Variants in UBE2L3 observed in about 807,000 individuals in gnomAD.
UBE2L3 encodes the protein ubiquitin-conjugating enzyme E2 L3.
In UBE2L3, 1 loss-of-function variant was observed where a neutral mutation model predicts 17.8. The ratio of observed to expected loss-of-function variants is 0.06; its 90% CI spans 0.02 to 0.27. The LOEUF is 0.27. UBE2L3 is among the 10% of genes least tolerant of loss of function. The probability of loss-of-function intolerance (pLI) is 1.00; values close to 1 mark genes in which losing one functional copy is unlikely to be tolerated. For missense variants in UBE2L3, 40 were observed against 192.6 expected (o/e 0.21, Z 4.69); for synonymous variants, 44 against 68.5 (o/e 0.64, Z 1.76).
upstream of UBE2L3, among the ~76,000 whole-genome samples, chr22:21,565,754 C>CAAAAAAAAA (rs131662): frequency 2.3e-4 from 7 of 30,286 alleles, no homozygotes; most frequent in South Asian, 2.2e-3. Flanking sequence ...AACTGTGTCT[C>CAAAAAAAAA]AAAAAAAAAA....
intron 1 of UBE2L3, among the ~76,000 whole-genome samples, chr22:21,561,545 A>C (rs1926430721): frequency 6.6e-6 from 1 of 152,258 alleles, no homozygotes; most frequent in South Asian, 2.1e-4. Context: ...TCACACCACT[A>C]TACTCCAGCC....
chr22:21,574,352 G>A (rs181359), intron 1 of UBE2L3, among the ~76,000 whole-genome samples: 33,287 of 152,106 alleles, frequency 0.22, 4,440 homozygotes, highest in East Asian at 0.51. Context: ...TACTTCGTCC[G>A]TGTGTGAAGG....
At chr22:21,563,343 A>T (rs1213566188), upstream of UBE2L3, among the ~76,000 whole-genome samples, 1 of 150,082 alleles carries the variant, frequency 6.7e-6, no homozygotes. Context: ...CGAGCTCAGG[A>T]GATCGAGAGC....
chr22:21,616,976 C>T lies in UBE2L3; in HGVS notation c.311-4539C>T, dbSNP rs539018680. Among the ~76,000 whole-genome samples, 367 of 151,462 alleles carry T rather than the reference C, an allele frequency of 2.4e-3. 1 individual carries two copies. The highest frequency in any genetic ancestry group is 3.5e-3 in the Non-Finnish European group (236 of 67,844). On this transcript the variant is annotated intron_variant, in intron 3 of 3. Transcript: ENST00000342192. ...CTGTAATCCCAGCACTTTGGGAGGC[C>T]GAGGCGGGCAGATCACGAGGTCAGG...
chr22:21,556,092 ATGG>A (rs1247253930), intron 1 of UBE2L3, among the ~76,000 whole-genome samples: 1 of 152,258 alleles, frequency 6.6e-6, no homozygotes, highest in Non-Finnish European at 1.5e-5. Flanking sequence ...TTAACTGGGC[ATGG>A]TGGTGCATGC....
chr22:21,599,826 G>A (rs1472101553), intron 2 of UBE2L3, among the ~76,000 whole-genome samples: 1 of 152,080 alleles, frequency 6.6e-6, no homozygotes, highest in Non-Finnish European at 1.5e-5. Context: ...TTTGGTGTGA[G>A]TGCTGTATTT....
chr22:21,593,457 T>G (rs1399772241), intron 2 of UBE2L3, among the ~76,000 whole-genome samples: 1 of 152,100 alleles, frequency 6.6e-6, no homozygotes, highest in African/African-American at 2.4e-5. Context: ...CATGTTCCCC[T>G]CACCCCATGT....
In UBE2L3 at chr22:21,621,988, TA is replaced by T; in HGVS notation, c.*327del. On this transcript the variant is annotated 3_prime_UTR_variant, in exon 4 of 4. Transcript: ENST00000342192. Reference sequence around the variant, plus strand: ...CAAGTTACATTTAACCCATAAGGTTTAAAAAAAAGGAAAAAAAACGGTTGTG... The same window carrying T: ...CAAGTTACATTTAACCCATAAGGTTTAAAAAAAGGAAAAAAAACGGTTGTG... 3.2e-5 allele frequency: 7 copies of T among 218,414 alleles called. No individual in the cohort carries two copies. Among genetic ancestry groups the T allele is most frequent in the South Asian group, 2.5e-4 (3 of 12,140 alleles). The allele number at this position is 218,414 out of a possible 1,614,324, so 13.5% of individuals were successfully genotyped here.
At chr22:21,616,714 A>G (rs1929796078) in intron 3 of UBE2L3, among the ~76,000 whole-genome samples, 1 of 150,824 alleles carries the variant, frequency 6.6e-6, no homozygotes, top group African/African-American at 2.4e-5. Context: ...AATCCCAGCT[A>G]CTTGGGGGGC....
At chr22:21,602,634 C>T (rs1055054548) in intron 2 of UBE2L3, among the ~76,000 whole-genome samples, 5 of 152,224 alleles carry the variant, frequency 3.3e-5, no homozygotes, top group Admixed American at 6.5e-5. Flanking sequence ...CCAGATAGTT[C>T]GGTGCCATAT....
Position 21,622,225 on chromosome 22 carries a change from A to C in UBE2L3, c.*556A>C, listed in dbSNP as rs1435917594. ...GACTCCAGTTTATAACATCCTTTTA[A>C]AAAATTTAAAAACAAACAGCCACAC... On this transcript the variant is annotated 3_prime_UTR_variant, in exon 4 of 4. Transcript: ENST00000342192. 1 of 152,790 alleles carries C rather than the reference A, an allele frequency of 6.5e-6. No homozygotes were observed. The highest frequency in any genetic ancestry group is 2.4e-5 in the African/African-American group (1 of 41,418). 9.5% of individuals were successfully genotyped at this position (152,790 alleles called of 1,614,324 possible).
At chr22:21,572,327 C>T (rs1209065835) in intron 1 of UBE2L3, among the ~76,000 whole-genome samples, 5 of 143,048 alleles carry the variant, frequency 3.5e-5, no homozygotes, top group South Asian at 4.6e-4. Context: ...CCCAGCTACT[C>T]GGGAGGCTGA....
chr22:21,614,040 C>T (rs1929641061), intron 3 of UBE2L3, among the ~76,000 whole-genome samples: 1 of 152,148 alleles, frequency 6.6e-6, no homozygotes, highest in Admixed American at 6.5e-5. Flanking sequence ...GACATGATGG[C>T]AGAGGTGGGA....
intron 2 of UBE2L3, among the ~76,000 whole-genome samples, chr22:21,593,542 A>G (rs1377507752): frequency 6.6e-6 from 1 of 151,746 alleles, no homozygotes; most frequent in African/African-American, 2.4e-5. Flanking sequence ...CTGCCTTCTG[A>G]TGGGCTCAAG....
chr22:21,562,770 G>T (rs1245001009), upstream of UBE2L3, among the ~76,000 whole-genome samples: 1 of 149,588 alleles, frequency 6.7e-6, no homozygotes, highest in Non-Finnish European at 1.5e-5. Flanking sequence ...CTCCCAAGGT[G>T]CTGGGATTAC....
chr22:21,622,794 C>CG lies in UBE2L3; in HGVS notation c.*1127dup, dbSNP rs1930108362. The CG allele has an allele frequency of 6.5e-6, 1 of 153,014 alleles. No homozygotes were observed. The highest frequency in any genetic ancestry group is 3.4e-3 in the Middle Eastern group (1 of 294). The allele number at this position is 153,014 out of a possible 1,614,324, so 9.5% of individuals were successfully genotyped here. On this transcript the variant is annotated 3_prime_UTR_variant, in exon 4 of 4. Coordinates refer to ENST00000342192, the MANE Select transcript of UBE2L3 (RefSeq NM_003347.4). ...CAGCCAGCCCAGCCCGGGAACAAGA[C>CG]GGACTTCCTCTCCCTTCGGACTCAC... is the stretch of plus-strand genomic sequence containing the variant.
chr22:21,619,298 G>A (rs1374907816), intron 3 of UBE2L3, among the ~76,000 whole-genome samples: 2 of 152,150 alleles, frequency 1.3e-5, no homozygotes, highest in South Asian at 2.1e-4. Context: ...AGAGGTACAG[G>A]TGGCTTGTAC....
chr22:21,617,144 TAAAAAAAAA>T (rs552706292), intron 3 of UBE2L3, among the ~76,000 whole-genome samples: 1 of 110,688 alleles, frequency 9.0e-6, no homozygotes, highest in Non-Finnish European at 1.9e-5. Context: ...AACTCTGTCT[TAAAAAAAAA>T]AAAAAAAAAA....
intron 3 of UBE2L3, among the ~76,000 whole-genome samples, chr22:21,611,740 ATGGAC>A (rs1448197099): frequency 1.3e-5 from 2 of 152,278 alleles, no homozygotes; most frequent in South Asian, 2.1e-4. Context: ...CTAGTTTGTT[ATGGAC>A]TGTGTCTGGT....
Sources: allele counts gnomAD v4.1 joint callset (sites outside exome capture counted in the v4.1 genomes callset), GRCh38; gene constraint gnomAD v4.1.1; transcripts MANE v1.5; gene names NCBI Gene and HGNC (gene_info 2026-07-23, HGNC 2026-07-21).